The following LUC7L3 variants were observed in gnomAD, a reference collection of about 807,000 sequenced individuals.
The protein encoded by LUC7L3 is LUC7 like 3 pre-mRNA splicing factor.
In LUC7L3, 6 loss-of-function variants were observed where a neutral mutation model predicts 66.8. The observed-to-expected ratio is 0.09, with a 90% CI of 0.05 to 0.18. LUC7L3 has a LOEUF of 0.18. Ranked by LOEUF, LUC7L3 falls within the 10% of genes least tolerant of loss-of-function variation. The pLI is 1.00. For synonymous variants in LUC7L3, 160 were observed against 174.7 expected (o/e 0.92, Z 0.66); for missense variants, 341 against 531.1 (o/e 0.64, Z 3.52).
chr17:50,751,972 T>C lies in LUC7L3; in HGVS notation c.*1311T>C, dbSNP rs529400067. ...TGATTTGTTGGTGGCATTCCCCTTT[T>C]GGGAAAGCAATGTAAGGTTATGTCT... On this transcript the variant is annotated 3_prime_UTR_variant, in exon 10 of 10. Transcript: ENST00000505658. 1 of 1,026,926 alleles carries C rather than the reference T, an allele frequency of 9.7e-7. No homozygotes were observed. The highest frequency in any genetic ancestry group is 1.0e-4 in the East Asian group (1 of 9,908). The allele number at this position is 1,026,926 out of a possible 1,614,324, so 63.6% of individuals were successfully genotyped here.
At chr17:50,729,692 A>G (rs1969432336) in intron 1 of LUC7L3, among the ~76,000 whole-genome samples, 1 of 152,034 alleles carries the variant, frequency 6.6e-6, no homozygotes, top group African/African-American at 2.4e-5. Context: ...CATGGGGAGA[A>G]CTTGCAGACT....
In LUC7L3 at chr17:50,755,143, T is replaced by C. The variant is rs1971088457; in HGVS notation, c.*4482T>C. ...GTTGTTTGTGAAAGAACCCCAGGTC[T>C]ACTTTTGAAATTTTGTATTATAATT... On this transcript the variant is annotated 3_prime_UTR_variant, in exon 10 of 10. Coordinates refer to ENST00000505658, the MANE Select transcript of LUC7L3 (RefSeq NM_016424.5). The C allele has an allele frequency of 6.6e-6, 1 of 152,204 alleles. No individual in the cohort carries two copies. The highest frequency in any genetic ancestry group is 2.4e-5 in the African/African-American group (1 of 41,438). The allele number at this position is 152,204 out of a possible 1,614,324, so 9.4% of individuals were successfully genotyped here. A position where few individuals can be genotyped will look rare whatever the true frequency, so the allele number is the denominator to read the frequency against.
chr17:50,725,001 T>G (rs1393419887), intron 1 of LUC7L3, among the ~76,000 whole-genome samples: 1 of 152,126 alleles, frequency 6.6e-6, no homozygotes. Flanking sequence ...CAACAAGTGA[T>G]CCTCCCTCGG....
intron 1 of LUC7L3, among the ~76,000 whole-genome samples, chr17:50,731,908 A>C (rs1436248918): frequency 6.6e-6 from 1 of 152,214 alleles, no homozygotes; most frequent in Non-Finnish European, 1.5e-5. Context: ...CTACCCCCAG[A>C]GTCTGAAGAA....
chr17:50,738,231 A>T, intron 2 of LUC7L3: 1 of 426,270 alleles, frequency 2.3e-6, no homozygotes, highest in East Asian at 7.3e-5. Flanking sequence ...CTTAAAAGAA[A>T]GTCTTACTGC....
In LUC7L3 at chr17:50,731,622, G is replaced by C. The variant is rs369035337; in HGVS notation, c.100-5338G>C. 1.6e-4 allele frequency among the ~76,000 whole-genome samples: 25 copies of C among 152,318 alleles called. No homozygotes were observed. The South Asian group carries it at 4.8e-3, about 29-fold the overall frequency. On this transcript the variant is annotated intron_variant, in intron 1 of 9. Transcript: ENST00000505658. The stretch of plus-strand genomic sequence containing the variant: ...GCAGTCCAGGTAGCTGGTTTATTGT[G>C]TAGAGTAACAGATAATTCTGATGTA...
intron 2 of LUC7L3, among the ~76,000 whole-genome samples, chr17:50,738,506 G>A (rs1487549952): frequency 6.6e-6 from 1 of 152,184 alleles, no homozygotes; most frequent in African/African-American, 2.4e-5. Context: ...AGAGACATAT[G>A]AGAAGACACT....
chr17:50,745,573 T>C (rs1970620002), intron 7 of LUC7L3, 147 bp from the exon 8 acceptor site: 2 of 595,888 alleles, frequency 3.4e-6, no homozygotes, highest in Non-Finnish European at 6.0e-6. Flanking sequence ...TGATACCTTG[T>C]GTATATACAT....
intron 5 of LUC7L3, 147 bp from the exon 6 acceptor site, chr17:50,743,559 A>T: frequency 1.7e-6 from 1 of 593,376 alleles, no homozygotes. Flanking sequence ...TATAAAAAAA[A>T]TCCAGGATAA....
intron 8 of LUC7L3, 143 bp from the exon 9 acceptor site, chr17:50,746,399 A>G: frequency 1.2e-5 from 9 of 759,600 alleles, no homozygotes; most frequent in Non-Finnish European, 1.9e-5. Context: ...GATTTTCAAT[A>G]ATTTTTAGTT....
chr17:50,736,044 A>G (rs1199223543), intron 1 of LUC7L3, among the ~76,000 whole-genome samples: 1 of 152,202 alleles, frequency 6.6e-6, no homozygotes, highest in Non-Finnish European at 1.5e-5. Flanking sequence ...GAGGCAGAAC[A>G]ATTGCTTGAA....
intron 9 of LUC7L3, among the ~76,000 whole-genome samples, chr17:50,746,923 C>G (rs1352578008): frequency 1.3e-5 from 2 of 152,086 alleles, no homozygotes; most frequent in African/African-American, 4.8e-5. Flanking sequence ...AAACATCTTT[C>G]AGTTGATAAA....
In LUC7L3 at chr17:50,741,255, AG is replaced by A; in HGVS notation, c.351+10del. ...ACCAGCAGTCTTCTGGGGTAAGTGA[AG>A]TCAATTCAGTCTTTGTAAACGGTCC... On this transcript the variant is annotated intron_variant, in intron 4 of 9. Coordinates refer to ENST00000505658, the MANE Select transcript of LUC7L3 (RefSeq NM_016424.5). 2 of 1,612,986 alleles carry A rather than the reference AG, an allele frequency of 1.2e-6. No individual in the cohort carries two copies. The highest frequency in any genetic ancestry group is 1.7e-6 in the Non-Finnish European group (2 of 1,179,412).
rs1325502644 is a variant in LUC7L3, at chr17:50,744,588, G to A, written c.532-64G>A. The A allele has an allele frequency of 4.9e-6, 7 of 1,442,908 alleles. No individual in the cohort carries two copies. The South Asian group carries it at 7.6e-5, about 16-fold the overall frequency. The allele number at this position is 1,442,908 out of a possible 1,614,324, so 89.4% of individuals were successfully genotyped here. On this transcript the variant is annotated intron_variant, in intron 6 of 9. Coordinates refer to ENST00000505658, the MANE Select transcript of LUC7L3 (RefSeq NM_016424.5). Reference sequence around the variant, plus strand: ...ATTAGAAATCTTTTCTAAATGTTGAGTACTTTCCTGGGATTTGTTTCTCTT... The same window carrying A: ...ATTAGAAATCTTTTCTAAATGTTGAATACTTTCCTGGGATTTGTTTCTCTT...
Position 50,750,965 on chromosome 17 carries a change from C to G in LUC7L3, c.*304C>G. 1 of 1,474,216 alleles carries G rather than the reference C, an allele frequency of 6.8e-7. No individual in the cohort carries two copies. Among genetic ancestry groups the G allele is most frequent in the Non-Finnish European group, 8.9e-7 (1 of 1,120,006 alleles). The allele number at this position is 1,474,216 out of a possible 1,614,324, so 91.3% of individuals were successfully genotyped here. ...TAGTCGCCATTGAAAAGTTAATTAT[C>G]CTTTTTTTAGGGATTTTGATGTCAT... On this transcript the variant is annotated 3_prime_UTR_variant, in exon 10 of 10. Coordinates refer to ENST00000505658, the MANE Select transcript of LUC7L3 (RefSeq NM_016424.5).
intron 1 of LUC7L3, among the ~76,000 whole-genome samples, chr17:50,721,367 C>G (rs989121355): frequency 6.6e-6 from 1 of 152,164 alleles, no homozygotes; most frequent in South Asian, 2.1e-4. Context: ...TTTGTTGCCA[C>G]ATTGCATTGT....
At chr17:50,749,385 GGACA>G in intron 9 of LUC7L3, 1 of 1,259,816 alleles carries the variant, frequency 7.9e-7, no homozygotes, top group Non-Finnish European at 1.0e-6. Context: ...TCTCACAAGT[GGACA>G]GACAGACATG....
rs952957431 is a variant in LUC7L3 at position 50,752,461 on chromosome 17, T to G, written c.*1800T>G. On this transcript the variant is annotated 3_prime_UTR_variant, in exon 10 of 10. Transcript: ENST00000505658. ...TTTCTTTAAGACTTTTTAAGAAATA[T>G]TACTTAAACATGTGGCTTGCTCAGT... 1 of 189,776 alleles carries G rather than the reference T, an allele frequency of 5.3e-6. No homozygotes were observed. The highest frequency in any genetic ancestry group is 2.4e-5 in the African/African-American group (1 of 41,776). The allele number at this position is 189,776 out of a possible 1,614,324, so 11.8% of individuals were successfully genotyped here. A position where few individuals can be genotyped will look rare whatever the true frequency, so the allele number is the denominator to read the frequency against.
chr17:50,739,623 C>T (rs1187052748), intron 2 of LUC7L3, among the ~76,000 whole-genome samples: 6 of 151,022 alleles, frequency 4.0e-5, no homozygotes, highest in African/African-American at 7.3e-5. Flanking sequence ...CGCTGCACTC[C>T]GGCCTGGGCG....
Sources: allele counts gnomAD v4.1 joint callset (sites outside exome capture counted in the v4.1 genomes callset), GRCh38; gene constraint gnomAD v4.1.1; transcripts MANE v1.5; gene names NCBI Gene and HGNC (gene_info 2026-07-23, HGNC 2026-07-21).